The following CDC25C variants were observed in gnomAD, a reference collection of about 807,000 sequenced individuals.
The protein encoded by CDC25C is M-phase inducer phosphatase 3.
Under a neutral mutation model 52.5 loss-of-function variants are expected in CDC25C, and 48 were observed. That is an observed-to-expected ratio of 0.91 (90% CI 0.72 to 1.16). The LOEUF is 1.16. Among genes scored for constraint, CDC25C ranks in the 50% most tolerant of loss-of-function variants. The pLI is 0.00. For synonymous variants in CDC25C, 187 were observed against 206.5 expected (o/e 0.91, Z 0.81); for missense variants, 510 against 566.1 (o/e 0.90, Z 1.01).
At chr5:138,333,867 C>T (rs1424483894), upstream of CDC25C, 1 of 152,014 alleles carries the variant, frequency 6.6e-6, no homozygotes, top group African/African-American at 2.4e-5. Flanking sequence ...AACAAATTCT[C>T]CAAAAATCTA....
At chr5:138,328,374 T>G (rs1760063948) in intron 4 of CDC25C, 110 bp downstream of exon 4, 2 of 945,898 alleles carry the variant, frequency 2.1e-6, no homozygotes, top group East Asian at 4.8e-5. Flanking sequence ...CAAAGCCCAC[T>G]TATACCCAGT....
chr5:138,319,421 A>C (rs1759170067), intron 6 of CDC25C, 47 bp from the exon 7 acceptor site: 2 of 1,446,234 alleles, frequency 1.4e-6, no homozygotes, highest in Non-Finnish European at 9.4e-7. Context: ...AATATATCAA[A>C]GTTCTAAATG....
chr5:138,297,394 A>G (rs190211335), intron 7 of CDC25C, among the ~76,000 whole-genome samples: 3 of 152,100 alleles, frequency 2.0e-5, no homozygotes, highest in Admixed American at 1.3e-4. Flanking sequence ...CAGCCCCTAC[A>G]CTAGAAGAAC....
chr5:138,337,353 G>C (rs570373200), intron 1 of CDC25C, among the ~76,000 whole-genome samples: 2 of 152,298 alleles, frequency 1.3e-5, no homozygotes, highest in African/African-American at 4.8e-5. Flanking sequence ...AGGTGGTTTT[G>C]TCTTCCTGAA....
At position 138,292,184 on chromosome 5, in the gene CDC25C, C is replaced by T. The variant is rs1756789607; in HGVS notation, c.616-68G>A. 6 of 1,292,384 alleles carry T rather than the reference C, an allele frequency of 4.6e-6. No individual in the cohort carries two copies. In the East Asian group the frequency reaches 1.0e-4, roughly 22 times the overall value. 80.1% of individuals were successfully genotyped at this position (1,292,384 alleles called of 1,614,324 possible). A position where few individuals can be genotyped will look rare whatever the true frequency, so the allele number is the denominator to read the frequency against. On this transcript the variant is annotated intron_variant, in intron 7 of 13. Coordinates refer to ENST00000323760, the MANE Select transcript of CDC25C (RefSeq NM_001790.5). ...TGTGTCTGCAGACCTGCAGCAACAA[C>T]ATCTCCTGGGAGCTTCTTTGAAATG... is the stretch of plus-strand genomic sequence containing the variant.
At chr5:138,308,230 CTGTCTATAT>C (rs1442105376) in intron 7 of CDC25C, among the ~76,000 whole-genome samples, 1 of 152,152 alleles carries the variant, frequency 6.6e-6, no homozygotes, top group Non-Finnish European at 1.5e-5. Context: ...TGCTTCTATA[CTGTCTATAT>C]TATGCAATTC....
chr5:138,336,066 T>C (rs911723394), upstream of CDC25C, among the ~76,000 whole-genome samples: 4 of 151,748 alleles, frequency 2.6e-5, no homozygotes, highest in Non-Finnish European at 4.4e-5. Flanking sequence ...TGAGAATATA[T>C]ATCAAAGTAT....
intron 7 of CDC25C, among the ~76,000 whole-genome samples, chr5:138,305,638 C>T (rs1019506048): frequency 1.2e-4 from 19 of 152,120 alleles, no homozygotes; most frequent in African/African-American, 4.6e-4. Flanking sequence ...TCGACTCAAA[C>T]TATCCTTCTG....
chr5:138,291,942 C>T lies in CDC25C; in HGVS notation c.762+28G>A, dbSNP rs189899115. 31 of 1,581,456 alleles carry T rather than the reference C, an allele frequency of 2.0e-5. No individual in the cohort carries two copies. In the East Asian group the frequency reaches 6.2e-4, roughly 32 times the overall value. ...GCAAAGACATGAGATAGAAGATGAA[C>T]AAGATTTTCATCTTAAAAAGTTCTT... On this transcript the variant is annotated intron_variant, in intron 8 of 13. Transcript: ENST00000323760.
intron 7 of CDC25C, among the ~76,000 whole-genome samples, chr5:138,298,434 C>T (rs1757377726): frequency 6.6e-6 from 1 of 152,144 alleles, no homozygotes; most frequent in African/African-American, 2.4e-5. Flanking sequence ...GGCACATTCT[C>T]ACAATAGACA....
In CDC25C at chr5:138,319,425, C is replaced by A. The variant is rs768284498; in HGVS notation, c.460-51G>T. The A allele has an allele frequency of 5.0e-6, 7 of 1,403,656 alleles. No individual in the cohort carries two copies. In the East Asian group the frequency reaches 1.5e-4, roughly 29 times the overall value. The allele number at this position is 1,403,656 out of a possible 1,614,324, so 87.0% of individuals were successfully genotyped here. A position where few individuals can be genotyped will look rare whatever the true frequency, so the allele number is the denominator to read the frequency against. The stretch of plus-strand genomic sequence containing the variant: ...AAACTATTCAAAATATATCAAAGTT[C>A]TAAATGTAAGAGCTAAAACTATAAA... On this transcript the variant is annotated intron_variant, in intron 6 of 13. Transcript: ENST00000323760.
intron 7 of CDC25C, among the ~76,000 whole-genome samples, chr5:138,317,621 C>A (rs1245196030): frequency 9.0e-5 from 12 of 133,450 alleles, no homozygotes; most frequent in Non-Finnish European, 1.8e-4. Flanking sequence ...ATTGAGGCTG[C>A]AGTGAACTTT....
In CDC25C at chr5:138,291,970, C is replaced by G; in HGVS notation, c.762G>C (p.Lys254Asn). The G allele has an allele frequency of 6.2e-7, 1 of 1,600,226 alleles. No homozygotes were observed. Among genetic ancestry groups the G allele is most frequent in the Non-Finnish European group, 8.5e-7 (1 of 1,173,212 alleles). Reference protein sequence around the residue: ...KYFSGQGKLRKGLCLKKTVSL... With the variant: ...KYFSGQGKLRNGLCLKKTVSL... ...GATTTTCATCTTAAAAAGTTCTTAC[C>G]TTCCTGAGCTTTCCTTGGCCAGAAA... is the stretch of plus-strand genomic sequence containing the variant. Residue 254 changes from lysine to asparagine, a missense_variant and splice_region_variant, in exon 8 of 14, where the codon AAG (lysine) becomes AAC (asparagine). Physicochemically the swap from Lys to Asn is moderately conservative, Grantham distance 94 (BLOSUM62 0). Transcript: ENST00000323760.
intron 6 of CDC25C, among the ~76,000 whole-genome samples, chr5:138,320,963 C>T (rs1390204690): frequency 4.2e-5 from 6 of 143,780 alleles, no homozygotes. Flanking sequence ...GGCATAGTGG[C>T]ACACACTTGC....
rs11567997 is a variant in CDC25C at position 138,289,539 on chromosome 5, C to T, written c.889G>A (p.Gly297Arg). 3 of 1,613,710 alleles carry T rather than the reference C, an allele frequency of 1.9e-6. No individual in the cohort carries two copies. The highest frequency in any genetic ancestry group is 2.5e-6 in the Non-Finnish European group (3 of 1,179,712). ...ACATACTTCAGATCTTGGTGTTTCC[C>T]TGACACGGTTGGCAGCGCACATACC... ...SKVCALPTVSGKHQDLKYVNP... is the reference protein window; with the variant it reads ...SKVCALPTVSRKHQDLKYVNP... Residue 297 changes from glycine (G) to arginine (R), a missense_variant, in exon 10 of 14, where the codon GGG (glycine) becomes AGG (arginine). By Grantham distance (125) the Gly-to-Arg change is moderately radical. Coordinates refer to ENST00000323760, the MANE Select transcript of CDC25C (RefSeq NM_001790.5).
In CDC25C at chr5:138,286,758, G is replaced by A; in HGVS notation, c.1027-128C>T. On this transcript the variant is annotated intron_variant, in intron 11 of 13. Transcript: ENST00000323760. ...AAGCTGGACTATAAGCACCTTTAGG[G>A]CAGGGGTCTAAGTATATCTCTGTAT... is the stretch of plus-strand genomic sequence containing the variant. The A allele has an allele frequency of 6.4e-6, 5 of 783,266 alleles. No individual in the cohort carries two copies. The South Asian group carries it at 9.5e-5, about 15-fold the overall frequency. The allele number at this position is 783,266 out of a possible 1,614,324, so 48.5% of individuals were successfully genotyped here.
intron 6 of CDC25C, among the ~76,000 whole-genome samples, chr5:138,322,697 G>C (rs190379984): frequency 6.6e-6 from 1 of 150,722 alleles, no homozygotes; most frequent in Admixed American, 6.6e-5. Flanking sequence ...GAATGGTCTC[G>C]ATCTCCTGAC....
At chr5:138,302,203 G>A (rs1757680433) in intron 7 of CDC25C, among the ~76,000 whole-genome samples, 1 of 150,948 alleles carries the variant, frequency 6.6e-6, no homozygotes, top group East Asian at 2.0e-4. Context: ...CACCATGTTG[G>A]CCAGGCTGGT....
chr5:138,306,304 T>C (rs958129875), intron 7 of CDC25C, among the ~76,000 whole-genome samples: 1 of 152,080 alleles, frequency 6.6e-6, no homozygotes, highest in Non-Finnish European at 1.5e-5. Flanking sequence ...TAAATTCTAG[T>C]CTGTTTTGTT....
Sources: allele counts gnomAD v4.1 joint callset (sites outside exome capture counted in the v4.1 genomes callset), GRCh38; gene constraint gnomAD v4.1.1; transcripts MANE v1.5; gene names NCBI Gene and HGNC (gene_info 2026-07-23, HGNC 2026-07-21).